The following LINGO2 variants were observed in gnomAD, a reference collection of about 807,000 sequenced individuals.
The protein encoded by LINGO2 is leucine rich repeat and Ig domain containing 2, also known as leucine-rich repeat and immunoglobulin-like domain-containing nogo receptor-interacting protein 2.
LINGO2 carries 14 observed loss-of-function variants against 30.6 expected under a neutral mutation model. The observed-to-expected ratio is 0.46, with a 90% CI of 0.30 to 0.72. The LOEUF is 0.72. LINGO2 is among the 30% of genes least tolerant of loss of function. The pLI is 0.07. For missense variants in LINGO2, 729 were observed against 751.7 expected (o/e 0.97, Z 0.35); for synonymous variants, 317 against 288.5 (o/e 1.10, Z -1.00).
chr9:28,459,640 C>T (rs1824995517), intron 2 of LINGO2, among the ~76,000 whole-genome samples: 1 of 151,852 alleles, frequency 6.6e-6, no homozygotes, highest in Non-Finnish European at 1.5e-5. Context: ...GAAATAATAT[C>T]TTTTCCACAG....
chr9:29,145,558 ATCTG>A, the LINGO2 span, among the ~76,000 whole-genome samples: 24,120 of 152,022 alleles, frequency 0.16, 2,000 homozygotes, highest in East Asian at 0.33. Context: ...CATGATAGTT[ATCTG>A]TCTCTGTACA....
intron 1 of LINGO2, among the ~76,000 whole-genome samples, chr9:28,652,541 G>C (rs1205939002): frequency 6.6e-6 from 1 of 151,990 alleles, no homozygotes; most frequent in Non-Finnish European, 1.5e-5. Flanking sequence ...CTATGTACTT[G>C]ACAAAGGATT....
intron 1 of LINGO2, among the ~76,000 whole-genome samples, chr9:28,576,844 T>G (rs1420175429): frequency 6.6e-6 from 1 of 152,206 alleles, no homozygotes; most frequent in Non-Finnish European, 1.5e-5. Context: ...TCAAATGATA[T>G]TTCAAGCTCA....
intron 4 of LINGO2, among the ~76,000 whole-genome samples, chr9:28,158,937 T>A (rs149754267): frequency 2.3e-3 from 357 of 152,324 alleles, no homozygotes; most frequent in African/African-American, 8.1e-3. Context: ...TTTATTTAGG[T>A]TTTCCTCATT....
At chr9:28,479,937 ATATATATATATATATAT>A (rs1564228452) in intron 1 of LINGO2, among the ~76,000 whole-genome samples, 1 of 130,740 alleles carries the variant, frequency 7.6e-6, no homozygotes, top group East Asian at 2.2e-4. Flanking sequence ...ATATATATAT[ATATATATATATATATAT>A]ATGTACATTT....
the LINGO2 span, among the ~76,000 whole-genome samples, chr9:29,011,411 T>TTTTCTCC: frequency 6.6e-6 from 1 of 151,948 alleles, no homozygotes; most frequent in African/African-American, 2.4e-5. Flanking sequence ...TACTTTCTCC[T>TTTTCTCC]TTTTTATCAG....
chr9:28,770,615 G>T, the LINGO2 span, among the ~76,000 whole-genome samples: 2 of 152,070 alleles, frequency 1.3e-5, no homozygotes, highest in Non-Finnish European at 2.9e-5. Context: ...TACGTGCTGG[G>T]TTAAATCTAA....
the LINGO2 span, among the ~76,000 whole-genome samples, chr9:29,073,357 GA>G: frequency 5.9e-5 from 9 of 152,030 alleles, no homozygotes; most frequent in South Asian, 4.2e-4. Context: ...AGTAATGGGG[GA>G]AAAAAACAGG....
At chr9:28,711,366 T>G in the LINGO2 span, among the ~76,000 whole-genome samples, 372 of 152,184 alleles carry the variant, frequency 2.4e-3, 1 homozygote, top group Admixed American at 4.7e-3. Flanking sequence ...AAAATAGTGA[T>G]AACACCACTC....
intron 4 of LINGO2, among the ~76,000 whole-genome samples, chr9:28,243,518 C>G (rs1024280833): frequency 1.4e-4 from 21 of 150,334 alleles, no homozygotes; most frequent in African/African-American, 5.1e-4. Flanking sequence ...GGAGTCAAGG[C>G]CCATCAGTGT....
chr9:28,750,691 AG>A, the LINGO2 span, among the ~76,000 whole-genome samples: 5 of 152,162 alleles, frequency 3.3e-5, no homozygotes, highest in East Asian at 9.7e-4. Context: ...AGCCCCTTTG[AG>A]CCTCAGTTTC....
At chr9:29,148,925 T>C in the LINGO2 span, among the ~76,000 whole-genome samples, 1 of 152,200 alleles carries the variant, frequency 6.6e-6, no homozygotes, top group Non-Finnish European at 1.5e-5. Flanking sequence ...GGCTTTATTA[T>C]ATTGTACCTG....
intron 2 of LINGO2, among the ~76,000 whole-genome samples, chr9:28,387,019 C>T (rs986231438): frequency 2.0e-5 from 3 of 152,082 alleles, no homozygotes; most frequent in Non-Finnish European, 2.9e-5. Context: ...ACTAATATAG[C>T]ATTGAGAGGT....
rs1176721305 is a variant in LINGO2, at chr9:28,583,577, A to T, written c.-365+86623T>A. Among the ~76,000 whole-genome samples, 8 of 152,036 alleles carry T rather than the reference A, an allele frequency of 5.3e-5. No homozygotes were observed. In the East Asian group the frequency reaches 1.5e-3, roughly 29 times the overall value. Reference sequence around the variant, plus strand: ...TAGCAATTTTTTCAGAAATGCTCTTATTCAAATTGAAGTTAATAAAGAAAA... The same window carrying T: ...TAGCAATTTTTTCAGAAATGCTCTTTTTCAAATTGAAGTTAATAAAGAAAA... On this transcript the variant is annotated intron_variant, in intron 1 of 5. Transcript: ENST00000379992.
intron 4 of LINGO2, among the ~76,000 whole-genome samples, chr9:28,144,374 T>C (rs1827756226): frequency 6.6e-6 from 1 of 152,154 alleles, no homozygotes; most frequent in South Asian, 2.1e-4. Context: ...ATTACCAAGA[T>C]CTATACTAAC....
chr9:28,751,044 C>T, the LINGO2 span, among the ~76,000 whole-genome samples: 3 of 151,620 alleles, frequency 2.0e-5, no homozygotes, highest in African/African-American at 4.9e-5. Context: ...GTAGGAGATT[C>T]GCTTGAGAAC....
At chr9:28,419,574 T>A in intron 2 of LINGO2, among the ~76,000 whole-genome samples, 1 of 147,736 alleles carries the variant, frequency 6.8e-6, no homozygotes, top group Admixed American at 6.8e-5. Flanking sequence ...CAATCTCCTA[T>A]AAGAACAAAG....
the LINGO2 span, among the ~76,000 whole-genome samples, chr9:29,070,014 G>T: frequency 6.6e-6 from 1 of 152,080 alleles, no homozygotes; most frequent in Admixed American, 6.6e-5. Flanking sequence ...AGTTTTCAAT[G>T]AATTGCACTC....
the LINGO2 span, among the ~76,000 whole-genome samples, chr9:28,779,793 T>C: frequency 2.6e-5 from 4 of 152,158 alleles, no homozygotes; most frequent in Non-Finnish European, 5.9e-5. Flanking sequence ...TAAATTTAAC[T>C]AGAACCTGAT....
Sources: allele counts gnomAD v4.1 joint callset (sites outside exome capture counted in the v4.1 genomes callset), GRCh38; gene constraint gnomAD v4.1.1; transcripts MANE v1.5; gene names NCBI Gene and HGNC (gene_info 2026-07-23, HGNC 2026-07-21).